Variants in LSAMP observed in about 807,000 individuals in gnomAD.
LSAMP encodes the protein limbic system-associated membrane protein.
LSAMP carries 7 observed loss-of-function variants against 38.6 expected under a neutral mutation model. The observed-to-expected ratio is 0.18, with a 90% CI of 0.10 to 0.34. The LOEUF is 0.34. Ranked by LOEUF, LSAMP falls within the 10% of genes least tolerant of loss-of-function variation. The probability of loss-of-function intolerance (pLI) is 1.00; values close to 1 mark genes in which losing one functional copy is unlikely to be tolerated. For missense variants in LSAMP, 313 were observed against 420.0 expected, an observed-to-expected ratio of 0.75 and a Z score of 2.23; for synonymous variants, 154 against 166.8, an observed-to-expected ratio of 0.92 and a Z score of 0.59.
chr3:116,109,254 AC>A (rs1257303001), intron 1 of LSAMP, among the ~76,000 whole-genome samples: 3 of 152,190 alleles, frequency 2.0e-5, no homozygotes, highest in African/African-American at 4.8e-5. Flanking sequence ...AGGGCTAGTC[AC>A]CGAACGAAAC....
intron 2 of LSAMP, among the ~76,000 whole-genome samples, chr3:116,060,324 A>G (rs1464649065): frequency 6.6e-6 from 1 of 152,196 alleles, no homozygotes; most frequent in Non-Finnish European, 1.5e-5. Context: ...TATACCTTAA[A>G]GAGGTAAACC....
intron 1 of LSAMP, among the ~76,000 whole-genome samples, chr3:116,375,507 T>C (rs781534585): frequency 5.3e-5 from 8 of 151,934 alleles, no homozygotes; most frequent in African/African-American, 1.2e-4. Context: ...TAACATTTAA[T>C]ATTTTTTCCC....
intron 3 of LSAMP, among the ~76,000 whole-genome samples, chr3:115,886,025 A>G (rs1458872510): frequency 6.6e-6 from 1 of 152,010 alleles, no homozygotes; most frequent in South Asian, 2.1e-4. Flanking sequence ...TTGAGAGCAC[A>G]GATTCTCTCT....
intron 1 of LSAMP, among the ~76,000 whole-genome samples, chr3:116,204,447 T>C (rs891084778): frequency 3.9e-5 from 6 of 152,134 alleles, no homozygotes; most frequent in African/African-American, 1.4e-4. Flanking sequence ...TGCCATTGCT[T>C]TTGGTGTTTT....
At chr3:116,433,278 A>C (rs889163960) in intron 1 of LSAMP, among the ~76,000 whole-genome samples, 3 of 151,946 alleles carry the variant, frequency 2.0e-5, no homozygotes, top group Non-Finnish European at 4.4e-5. Context: ...ATAGTAGCAT[A>C]ACTAAAGTAC....
At chr3:116,340,728 A>G (rs2047981173) in intron 1 of LSAMP, among the ~76,000 whole-genome samples, 2 of 152,042 alleles carry the variant, frequency 1.3e-5, no homozygotes, top group African/African-American at 2.4e-5. Flanking sequence ...TACAAACAAT[A>G]CTGTGTGTAA....
chr3:115,950,567 C>T (rs1219591395), intron 3 of LSAMP, among the ~76,000 whole-genome samples: 1 of 151,948 alleles, frequency 6.6e-6, no homozygotes, highest in Non-Finnish European at 1.5e-5. Flanking sequence ...AGAAAAACTA[C>T]AAAACATTGC....
chr3:116,304,592 T>C (rs762770542), intron 1 of LSAMP, among the ~76,000 whole-genome samples: 3 of 152,048 alleles, frequency 2.0e-5, no homozygotes, highest in Non-Finnish European at 4.4e-5. Flanking sequence ...TCATCCCAAA[T>C]GAAGACAAAA....
chr3:116,378,225 G>A (rs1421533345), intron 1 of LSAMP, among the ~76,000 whole-genome samples: 1 of 152,024 alleles, frequency 6.6e-6, no homozygotes, highest in African/African-American at 2.4e-5. Context: ...CTCAGTTCCA[G>A]GTGAATGGTC....
At chr3:116,283,444 A>T (rs960989545) in intron 1 of LSAMP, among the ~76,000 whole-genome samples, 14 of 152,222 alleles carry the variant, frequency 9.2e-5, no homozygotes, top group Admixed American at 5.2e-4. Flanking sequence ...AGAGGAAAAA[A>T]CTATTGACTA....
chr3:116,070,081 AG>A (rs1406775508), intron 2 of LSAMP, among the ~76,000 whole-genome samples: 2 of 152,214 alleles, frequency 1.3e-5, no homozygotes, highest in South Asian at 2.1e-4. Flanking sequence ...GCATTATTTC[AG>A]GAAATAAAGA....
intron 2 of LSAMP, among the ~76,000 whole-genome samples, chr3:116,063,773 G>A (rs1941635600): frequency 6.6e-6 from 1 of 152,054 alleles, no homozygotes; most frequent in South Asian, 2.1e-4. Flanking sequence ...TAAAGATTAA[G>A]TTTAGTATAG....
At chr3:116,380,819 T>C (rs1316643923) in intron 1 of LSAMP, among the ~76,000 whole-genome samples, 12 of 152,062 alleles carry the variant, frequency 7.9e-5, no homozygotes, top group Non-Finnish European at 1.5e-5. Context: ...GGGTATAGCT[T>C]TGGTTTTTTT....
chr3:116,034,663 A>T (rs1459167341), intron 2 of LSAMP, among the ~76,000 whole-genome samples: 1 of 152,142 alleles, frequency 6.6e-6, no homozygotes, highest in East Asian at 1.9e-4. Context: ...GCCTTTTGCT[A>T]ATGCTTTTTC....
intron 1 of LSAMP, among the ~76,000 whole-genome samples, chr3:116,323,188 T>C (rs1010586047): frequency 6.6e-6 from 1 of 152,254 alleles, no homozygotes; most frequent in East Asian, 1.9e-4. Context: ...TTAATATCTT[T>C]CTATCACAAA....
At chr3:115,864,178 A>C (rs531903176) in intron 3 of LSAMP, among the ~76,000 whole-genome samples, 1 of 152,274 alleles carries the variant, frequency 6.6e-6, no homozygotes, top group South Asian at 2.1e-4. Context: ...GTCTGGACTT[A>C]AGAGTGCTGA....
chr3:116,246,337 A>T (rs889802279), intron 1 of LSAMP, among the ~76,000 whole-genome samples: 1 of 152,200 alleles, frequency 6.6e-6, no homozygotes, highest in East Asian at 1.9e-4. Context: ...AGGAGCATAA[A>T]TATATATTAA....
chr3:116,344,324 C>T (rs544561476), intron 1 of LSAMP, among the ~76,000 whole-genome samples: 9 of 151,962 alleles, frequency 5.9e-5, no homozygotes, highest in Non-Finnish European at 7.4e-5. Flanking sequence ...CCCAGAAATC[C>T]GTTAATCACT....
chr3:116,423,158 G>T (rs1199007790), intron 1 of LSAMP, among the ~76,000 whole-genome samples: 1 of 152,134 alleles, frequency 6.6e-6, no homozygotes, highest in Non-Finnish European at 1.5e-5. Flanking sequence ...AGCTATATTT[G>T]CTAAGCAAAT....
Sources: gnomAD v4.1 joint callset for allele counts (sites outside exome capture counted in the v4.1 genomes callset) on GRCh38, gnomAD v4.1.1 for gene constraint, MANE v1.5 for transcripts, NCBI Gene and HGNC (gene_info 2026-07-23, HGNC 2026-07-21) for gene names.